ESYT2: variants seen among roughly 807,000 people sequenced by gnomAD.
The protein encoded by ESYT2 is extended synaptotagmin 2, also known as extended synaptotagmin-2.
A neutral mutation model predicts 107.2 loss-of-function variants in ESYT2; 54 were observed. The ratio of observed to expected loss-of-function variants is 0.50; its 90% CI spans 0.40 to 0.63. The LOEUF (loss-of-function observed/expected upper bound fraction) is 0.63. ESYT2 is among the 30% of genes least tolerant of loss of function. ESYT2 has a pLI of 0.00. For missense variants in ESYT2, 1,020 were observed against 1,094.5 expected (o/e 0.93, Z 0.96); for synonymous variants, 491 against 434.1 (o/e 1.13, Z -1.63).
At position 158,741,604 on chromosome 7, in the gene ESYT2, T is replaced by C. The variant is rs368218045; in HGVS notation, c.2087A>G (p.Glu696Gly). Reference sequence around the variant, plus strand: ...GTCCGAGGCGATGCTGGGGGTCGGCTCCTTGACTGAGATGTGGCCTGGGGA... The same window carrying C: ...GTCCGAGGCGATGCTGGGGGTCGGCCCCTTGACTGAGATGTGGCCTGGGGA... ...LASPGHISVK[E>G]PTPSIASDIS... The change falls in exon 18 of 23, where the codon GAG becomes GGG. Residue 696 changes from glutamate (E) to glycine (G), a missense_variant. Coordinates refer to ENST00000275418, the MANE Select transcript of ESYT2 (RefSeq NM_001367773.1). 3.1e-6 allele frequency: 5 copies of C among 1,612,402 alleles called. No homozygotes were observed. In the African/African-American group the frequency reaches 6.7e-5, roughly 22 times the overall value.
intron 19 of ESYT2, among the ~76,000 whole-genome samples, chr7:158,738,344 GAC>G (rs199580275): frequency 0.12 from 15,138 of 131,192 alleles, 1,220 homozygotes; most frequent in South Asian, 0.21. Context: ...CACACACACA[GAC>G]ACACACACAC....
intron 1 of ESYT2, among the ~76,000 whole-genome samples, chr7:158,822,740 G>A (rs1404406804): frequency 6.6e-6 from 1 of 152,162 alleles, no homozygotes; most frequent in African/African-American, 2.4e-5. Context: ...AAGCCTAGGA[G>A]TTCGAGGCCA....
chr7:158,793,651 T>C lies in ESYT2; in HGVS notation c.583A>G (p.Ser195Gly), dbSNP rs1291410605. Residue 195 changes from serine (S) to glycine (G), a missense_variant and splice_region_variant, in exon 4 of 23, where the codon AGT becomes GGT. Coordinates refer to ENST00000275418, the MANE Select transcript of ESYT2 (RefSeq NM_001367773.1). ...CAAATATAACAAATAAAAACTTACC[T>C]AATCTGAAGGTCCAAAATAATTTGC... is the stretch of plus-strand genomic sequence containing the variant. ...KRQIILDLQI[S>G]FVGNCEIDLE... The C allele has an allele frequency of 1.2e-6, 2 of 1,606,292 alleles. No homozygotes were observed. Among genetic ancestry groups the C allele is most frequent in the African/African-American group, 2.7e-5 (2 of 74,778 alleles).
chr7:158,795,353 C>T (rs1464511464), intron 3 of ESYT2, among the ~76,000 whole-genome samples: 2 of 152,240 alleles, frequency 1.3e-5, no homozygotes, highest in Non-Finnish European at 2.9e-5. Context: ...TGGTATCAAA[C>T]TTAAAGTGTG....
intron 1 of ESYT2, among the ~76,000 whole-genome samples, chr7:158,804,315 G>A (rs1345818935): frequency 7.2e-5 from 9 of 124,952 alleles, no homozygotes; most frequent in African/African-American, 2.4e-4. Context: ...AGGGTGAGGC[G>A]CGCGACAAAC....
intron 18 of ESYT2, among the ~76,000 whole-genome samples, chr7:158,739,383 G>A (rs1364185526): frequency 6.6e-6 from 1 of 152,162 alleles, no homozygotes; most frequent in Non-Finnish European, 1.5e-5. Flanking sequence ...TTTCACTCTT[G>A]TTGCCTAGGC....
At chr7:158,821,856 G>GT (rs1469785426) in intron 1 of ESYT2, among the ~76,000 whole-genome samples, 2 of 152,282 alleles carry the variant, frequency 1.3e-5, no homozygotes, top group East Asian at 1.9e-4. Context: ...GCCACTGAAC[G>GT]TAAGGCCATG....
chr7:158,818,128 T>C (rs771909240), intron 1 of ESYT2, among the ~76,000 whole-genome samples: 4 of 152,260 alleles, frequency 2.6e-5, no homozygotes, highest in Non-Finnish European at 5.9e-5. Context: ...TTTTAGTCAC[T>C]AACCAGCACT....
At chr7:158,801,047 A>T (rs1254604699) in intron 1 of ESYT2, among the ~76,000 whole-genome samples, 13 of 151,750 alleles carry the variant, frequency 8.6e-5, no homozygotes, top group Non-Finnish European at 1.6e-4. Context: ...GGACACGAGC[A>T]CGGGAGGAGG....
At chr7:158,767,587 C>A in intron 8 of ESYT2, 67 bp downstream of exon 8, 1 of 1,565,306 alleles carries the variant, frequency 6.4e-7, no homozygotes, top group Non-Finnish European at 8.7e-7. Flanking sequence ...GCACCCAATG[C>A]CACACCCGCA....
chr7:158,826,097 C>T lies in ESYT2; in HGVS notation c.330+2992G>A, dbSNP rs111715778. Among the ~76,000 whole-genome samples the T allele has an allele frequency of 5.6e-3, 851 of 152,062 alleles. 6 individuals carry two copies. Among genetic ancestry groups the T allele is most frequent in the African/African-American group, 0.02 (809 of 41,464 alleles). ...TAACTTTTCTTATTCATAGTTTCTT[C>T]TATTATTGATGTGCTTTGACCACCC... On this transcript the variant is annotated intron_variant, in intron 1 of 22. Transcript: ENST00000275418.
At chr7:158,823,358 GCT>G (rs1283646388) in intron 1 of ESYT2, among the ~76,000 whole-genome samples, 1 of 147,040 alleles carries the variant, frequency 6.8e-6, no homozygotes, top group Non-Finnish European at 1.5e-5. Context: ...ACGGACTGTG[GCT>G]CTGTCGCCCA....
At position 158,743,518 on chromosome 7, in the gene ESYT2, C is replaced by T. The variant is rs747190823; in HGVS notation, c.1794+11G>A. The T allele has an allele frequency of 3.8e-5, 61 of 1,605,890 alleles. No individual in the cohort carries two copies. The Admixed American group carries it at 3.9e-4, about 10-fold the overall frequency. ...ATCCCCTATGGTGTTCACTGCAGGA[C>T]GACACGATACCCGCAGGGCAATCTT... On this transcript the variant is annotated intron_variant, in intron 17 of 22. Transcript: ENST00000275418.
intron 1 of ESYT2, among the ~76,000 whole-genome samples, chr7:158,811,663 T>A (rs1026424363): frequency 1.3e-5 from 2 of 151,430 alleles, no homozygotes; most frequent in African/African-American, 4.9e-5. Flanking sequence ...GACCACAGAG[T>A]GGTGAGTCAA....
Position 158,748,815 on chromosome 7 carries a change from G to GT in ESYT2, c.1558-536dup, listed in dbSNP as rs1238822903. Among the ~76,000 whole-genome samples, 3 of 151,914 alleles carry GT rather than the reference G, an allele frequency of 2.0e-5. No homozygotes were observed. In the East Asian group the frequency reaches 5.8e-4, roughly 29 times the overall value. ...GCTCACTGCAACCTCCACCTTCCGG[G>GT]TTCAAGCAATTCCCCTGCTGCAGCC... On this transcript the variant is annotated intron_variant, in intron 15 of 22. Coordinates refer to ENST00000275418, the MANE Select transcript of ESYT2 (RefSeq NM_001367773.1).
In ESYT2 at chr7:158,764,662, G is replaced by A. The variant is rs552737531; in HGVS notation, c.1101+15C>T. Reference sequence around the variant, plus strand: ...AGCCCACCACCCCAGCAACACAGCAGACACGACACCCCACCTCATAGACTT... The same window carrying A: ...AGCCCACCACCCCAGCAACACAGCAAACACGACACCCCACCTCATAGACTT... On this transcript the variant is annotated intron_variant, in intron 9 of 22. Transcript: ENST00000275418. 7 of 1,612,144 alleles carry A rather than the reference G, an allele frequency of 4.3e-6. No homozygotes were observed. In the East Asian group the frequency reaches 1.6e-4, roughly 36 times the overall value.
chr7:158,813,924 A>T (rs13226921), intron 1 of ESYT2, among the ~76,000 whole-genome samples: 1 of 151,372 alleles, frequency 6.6e-6, no homozygotes, highest in African/African-American at 2.4e-5. Flanking sequence ...AAAAATGTTT[A>T]AAAAATATAC....
At chr7:158,773,231 A>C in intron 7 of ESYT2, 110 bp downstream of exon 7, 1 of 1,191,020 alleles carries the variant, frequency 8.4e-7, no homozygotes, top group Non-Finnish European at 1.3e-6. Flanking sequence ...GAAGGCACCC[A>C]TTCACCTGGC....
At chr7:158,800,788 G>C (rs1481531050) in intron 1 of ESYT2, among the ~76,000 whole-genome samples, 2 of 150,870 alleles carry the variant, frequency 1.3e-5, no homozygotes, top group African/African-American at 4.9e-5. Flanking sequence ...GAGTGCAGTG[G>C]CACGATCTCG....
Sources: gnomAD v4.1 joint callset for allele counts (sites outside exome capture counted in the v4.1 genomes callset) on GRCh38, gnomAD v4.1.1 for gene constraint, MANE v1.5 for transcripts, NCBI Gene and HGNC (gene_info 2026-07-23, HGNC 2026-07-21) for gene names.